The following SYT6 variants were observed in gnomAD, a reference collection of about 807,000 sequenced individuals.
SYT6 encodes the protein synaptotagmin-6.
A neutral mutation model predicts 38.4 loss-of-function variants in SYT6; 24 were observed. The observed-to-expected ratio is 0.62, with a 90% CI of 0.45 to 0.88. SYT6 has a LOEUF of 0.88. Among genes scored for constraint, SYT6 ranks in the 40% least tolerant of loss-of-function variants. The probability of loss-of-function intolerance (pLI) is 0.00; values close to 1 mark genes in which losing one functional copy is unlikely to be tolerated. For missense variants in SYT6, 611 were observed against 621.0 expected, an observed-to-expected ratio of 0.98 and a Z score of 0.17; for synonymous variants, 265 against 241.9, an observed-to-expected ratio of 1.10 and a Z score of -0.89.
At chr1:114,107,802 T>A (rs1351950178) in intron 3 of SYT6, among the ~76,000 whole-genome samples, 1 of 152,222 alleles carries the variant, frequency 6.6e-6, no homozygotes, top group Non-Finnish European at 1.5e-5. Context: ...AGATCCCACA[T>A]GGCTTACCAG....
intron 3 of SYT6, among the ~76,000 whole-genome samples, chr1:114,122,264 A>C (rs1677450871): frequency 6.6e-6 from 1 of 152,200 alleles, no homozygotes; most frequent in South Asian, 2.1e-4. Context: ...TTATAATCAC[A>C]CTTAAGGTTA....
At chr1:114,142,320 G>A (rs1678908591) in intron 1 of SYT6, among the ~76,000 whole-genome samples, 1 of 152,206 alleles carries the variant, frequency 6.6e-6, no homozygotes, top group Non-Finnish European at 1.5e-5. Flanking sequence ...AGGGGTTCAA[G>A]ACCTCAGTGA....
At chr1:114,121,103 T>C (rs1229633202) in intron 3 of SYT6, among the ~76,000 whole-genome samples, 3 of 152,174 alleles carry the variant, frequency 2.0e-5, no homozygotes, top group Non-Finnish European at 1.5e-5. Context: ...CCCTGTGAGG[T>C]TGTAGGACTC....
chr1:114,142,020 T>C (rs951047716), intron 1 of SYT6, among the ~76,000 whole-genome samples: 9 of 152,204 alleles, frequency 5.9e-5, no homozygotes, highest in Non-Finnish European at 8.8e-5. Flanking sequence ...ACCCAAAGGC[T>C]CTGATGCAGA....
chr1:114,110,923 G>T (rs1557740608), intron 3 of SYT6, among the ~76,000 whole-genome samples: 1 of 152,096 alleles, frequency 6.6e-6, no homozygotes, highest in African/African-American at 2.4e-5. Flanking sequence ...GAATTCTTCA[G>T]TGGCTTCTCA....
chr1:114,146,978 G>T (rs7545102), intron 1 of SYT6, among the ~76,000 whole-genome samples: 2 of 152,204 alleles, frequency 1.3e-5, no homozygotes, highest in Non-Finnish European at 2.9e-5. Flanking sequence ...ATTTTTATTA[G>T]AATTAGTTAT....
In SYT6 at chr1:114,103,624, G is replaced by A. The variant is rs757361800; in HGVS notation, c.1169C>T (p.Ala390Val). Reference protein sequence around the residue: ...LTVIKCRNLKAMDITGYSDPY... With the variant: ...LTVIKCRNLKVMDITGYSDPY... ...ACCTGAATAGCCTGTGATGTCCATC[G>A]CCTTGAGGTTCCGACACTTAATCAC... The change falls in exon 4 of 8, where the codon GCG (alanine) becomes GTG (valine). Residue 390 changes from alanine (A) to valine (V), a missense_variant. By Grantham distance (64) the Ala-to-Val change is moderately conservative. Transcript: ENST00000610222. 22 of 1,614,054 alleles carry A rather than the reference G, an allele frequency of 1.4e-5. No homozygotes were observed. Among genetic ancestry groups the A allele is most frequent in the African/African-American group, 1.2e-4 (9 of 74,910 alleles).
intron 3 of SYT6, among the ~76,000 whole-genome samples, chr1:114,124,127 T>C (rs934681900): frequency 1.3e-5 from 2 of 152,116 alleles, no homozygotes; most frequent in Admixed American, 6.5e-5. Flanking sequence ...TCTGCATATA[T>C]AGGAAAATGG....
At chr1:114,151,409 C>T (rs957118330) in intron 1 of SYT6, among the ~76,000 whole-genome samples, 2 of 152,106 alleles carry the variant, frequency 1.3e-5, no homozygotes, top group African/African-American at 2.4e-5. Flanking sequence ...CTGGGCCTGC[C>T]GACTCTCACC....
At chr1:114,135,277 A>AAGG (rs1260863947) in intron 3 of SYT6, among the ~76,000 whole-genome samples, 4 of 152,106 alleles carry the variant, frequency 2.6e-5, no homozygotes, top group Non-Finnish European at 5.9e-5. Context: ...TCTCCTCATC[A>AAGG]AGGAGACCTT....
At chr1:114,136,301 C>T (rs980556186) in intron 3 of SYT6, among the ~76,000 whole-genome samples, 2 of 152,142 alleles carry the variant, frequency 1.3e-5, no homozygotes, top group African/African-American at 2.4e-5. Flanking sequence ...ACTATCCAAG[C>T]GGGAGTCTGC....
At chr1:114,150,014 G>A (rs1679364687) in intron 1 of SYT6, among the ~76,000 whole-genome samples, 1 of 152,118 alleles carries the variant, frequency 6.6e-6, no homozygotes, top group East Asian at 1.9e-4. Context: ...TAGAAAGGGT[G>A]CCACCCAGTT....
intron 3 of SYT6, among the ~76,000 whole-genome samples, chr1:114,131,719 G>A (rs905318370): frequency 1.3e-5 from 2 of 152,132 alleles, no homozygotes; most frequent in Non-Finnish European, 2.9e-5. Flanking sequence ...TGCACTGACC[G>A]GCACATAGTC....
chr1:114,121,827 ATTG>A (rs1180889759), intron 3 of SYT6, among the ~76,000 whole-genome samples: 2 of 150,500 alleles, frequency 1.3e-5, no homozygotes, highest in South Asian at 2.1e-4. Flanking sequence ...CACATTAGTT[ATTG>A]TTGTTGTTAG....
intron 3 of SYT6, among the ~76,000 whole-genome samples, chr1:114,122,481 T>TAG (rs1677464843): frequency 2.7e-5 from 4 of 148,164 alleles, no homozygotes; most frequent in African/African-American, 1.0e-4. Context: ...GCATGTACAT[T>TAG]TGTGTGTGTG....
At chr1:114,098,325 C>T (rs1223472726) in intron 5 of SYT6, among the ~76,000 whole-genome samples, 1 of 152,190 alleles carries the variant, frequency 6.6e-6, no homozygotes, top group African/African-American at 2.4e-5. Flanking sequence ...TAAGTATGTT[C>T]GTCAATACTA....
chr1:114,127,618 A>G (rs1227806759), intron 3 of SYT6, among the ~76,000 whole-genome samples: 4 of 152,166 alleles, frequency 2.6e-5, no homozygotes, highest in Admixed American at 6.5e-5. Flanking sequence ...TGCTGTTACT[A>G]TTCTGGAGCA....
intron 3 of SYT6, 44 bp downstream of exon 3, chr1:114,137,451 G>T: frequency 6.3e-7 from 1 of 1,577,632 alleles, no homozygotes; most frequent in South Asian, 1.2e-5. Context: ...ACCCAACCCA[G>T]AACCACAAAT....
At chr1:114,128,557 C>T (rs536584233) in intron 3 of SYT6, among the ~76,000 whole-genome samples, 40 of 152,330 alleles carry the variant, frequency 2.6e-4, no homozygotes, top group South Asian at 1.2e-3. Context: ...CCCGTGTCCC[C>T]GTTCCACAGT....
Sources: allele counts gnomAD v4.1 joint callset (sites outside exome capture counted in the v4.1 genomes callset), GRCh38; gene constraint gnomAD v4.1.1; transcripts MANE v1.5; gene names NCBI Gene and HGNC (gene_info 2026-07-23, HGNC 2026-07-21).